KCNT2: variants seen among roughly 807,000 people sequenced by gnomAD.
KCNT2 encodes potassium sodium-activated channel subfamily T member 2.
KCNT2 carries 67 observed loss-of-function variants against 153.8 expected under a neutral mutation model. That is an observed-to-expected ratio of 0.44 (90% CI 0.36 to 0.53). KCNT2 has a LOEUF of 0.53. Ranked by LOEUF, KCNT2 falls within the 20% of genes least tolerant of loss-of-function variation. The pLI, the probability that KCNT2 is intolerant of heterozygous loss-of-function variation, is 0.00. For synonymous variants in KCNT2, 500 were observed against 458.8 expected, an observed-to-expected ratio of 1.09 and a Z score of -1.15; for missense variants, 975 against 1,354.8, an observed-to-expected ratio of 0.72 and a Z score of 4.40.
chr1:196,547,909 G>C (rs759879067), intron 1 of KCNT2, among the ~76,000 whole-genome samples: 1 of 151,722 alleles, frequency 6.6e-6, no homozygotes, highest in Non-Finnish European at 1.5e-5. Context: ...AACTATTTCA[G>C]ATATAAATCA....
At chr1:196,462,355 T>C (rs896142045) in intron 8 of KCNT2, among the ~76,000 whole-genome samples, 1 of 151,678 alleles carries the variant, frequency 6.6e-6, no homozygotes, top group African/African-American at 2.4e-5. Context: ...GATGCTACCA[T>C]TATCTTTAAC....
chr1:196,319,523 C>T lies in KCNT2; in HGVS notation c.2309G>A (p.Trp770Ter). 6.2e-7 allele frequency: 1 copy of T among 1,610,054 alleles called. No homozygotes were observed. Among genetic ancestry groups the T allele is most frequent in the Non-Finnish European group, 8.5e-7 (1 of 1,177,398 alleles). ...CACCATGTAGTAAACCATTGGAAACCAACAGATTGCATCCAGAAAATGCAT... is the reference window on the plus strand; with the variant it reads ...CACCATGTAGTAAACCATTGGAAACTAACAGATTGCATCCAGAAAATGCAT... ...PDMHFLDAIC[W>*]FPMVYYMVGS... Residue 770 changes from tryptophan (W) to a stop codon, truncating the protein, a stop_gained, in exon 20 of 28, where the codon TGG becomes TAG. Coordinates refer to ENST00000294725, the MANE Select transcript of KCNT2 (RefSeq NM_198503.5). LOFTEE classifies it high-confidence loss of function.
intron 1 of KCNT2, among the ~76,000 whole-genome samples, chr1:196,528,565 T>C (rs1374568977): frequency 6.6e-6 from 1 of 152,194 alleles, no homozygotes; most frequent in Non-Finnish European, 1.5e-5. Flanking sequence ...AAATCTTTAC[T>C]CATGGGTTCG....
Position 196,381,770 on chromosome 1 carries a change from A to AC in KCNT2, c.1295-8523dup, listed in dbSNP as rs201442627. On this transcript the variant is annotated intron_variant, in intron 13 of 27. Coordinates refer to ENST00000294725, the MANE Select transcript of KCNT2 (RefSeq NM_198503.5). ...TTACACTGAACTGATGACTGAGAAA[A>AC]CACAACCACCAAGCTCCCCGAACAC... is the stretch of plus-strand genomic sequence containing the variant. 4.3e-3 allele frequency among the ~76,000 whole-genome samples: 648 copies of AC among 152,196 alleles called. 3 individuals carry two copies. Among genetic ancestry groups the AC allele is most frequent in the African/African-American group, 0.014 (592 of 41,490 alleles).
intron 16 of KCNT2, among the ~76,000 whole-genome samples, chr1:196,338,769 G>A (rs1665283527): frequency 6.6e-6 from 1 of 151,722 alleles, no homozygotes; most frequent in South Asian, 2.1e-4. Context: ...GAAGGATGGA[G>A]GCACAGACCA....
At chr1:196,421,363 G>A (rs1225908205) in intron 12 of KCNT2, among the ~76,000 whole-genome samples, 1 of 151,970 alleles carries the variant, frequency 6.6e-6, no homozygotes, top group Non-Finnish European at 1.5e-5. Flanking sequence ...GCTACACAAA[G>A]ATAGTACACA....
intron 1 of KCNT2, among the ~76,000 whole-genome samples, chr1:196,532,694 G>T (rs1655100811): frequency 6.6e-6 from 1 of 151,968 alleles, no homozygotes; most frequent in African/African-American, 2.4e-5. Context: ...ATTCTCTGTT[G>T]CTGAGCCAAA....
At chr1:196,505,497 T>C (rs1278290865) in intron 1 of KCNT2, among the ~76,000 whole-genome samples, 1 of 149,684 alleles carries the variant, frequency 6.7e-6, no homozygotes, top group African/African-American at 2.4e-5. Context: ...CCTTGTAGTA[T>C]AGTTTGAAGT....
rs185268305 is a variant in KCNT2, at chr1:196,320,462, T to C, written c.2277-907A>G. 1.2e-3 allele frequency among the ~76,000 whole-genome samples: 178 copies of C among 151,954 alleles called. 1 individual carries two copies. The highest frequency in any genetic ancestry group is 4.1e-3 in the African/African-American group (172 of 41,520). On this transcript the variant is annotated intron_variant, in intron 19 of 27. Transcript: ENST00000294725. Reference sequence around the variant, plus strand: ...ATCTGTAAAAACAAACAATATGTTATATTTAGGAGGCAGAATTGAGGAACA... The same window carrying C: ...ATCTGTAAAAACAAACAATATGTTACATTTAGGAGGCAGAATTGAGGAACA...
At chr1:196,543,760 T>G (rs756069106) in intron 1 of KCNT2, among the ~76,000 whole-genome samples, 3 of 152,102 alleles carry the variant, frequency 2.0e-5, no homozygotes, top group Non-Finnish European at 4.4e-5. Context: ...GCTGTGAGGA[T>G]ATAGAAAACC....
At chr1:196,410,549 C>T (rs977358023) in intron 12 of KCNT2, among the ~76,000 whole-genome samples, 1 of 150,918 alleles carries the variant, frequency 6.6e-6, no homozygotes, top group Non-Finnish European at 1.5e-5. Context: ...CACATGTACC[C>T]TAAAACTTAA....
rs766418457 is a variant in KCNT2 at position 196,258,384 on chromosome 1, A to T, written c.3021T>A (p.His1007Gln). ...RNSTSSDQSD[H>Q]PLLRRKSMQW... ...GCATGCTTTTTCTCCGCAGCAAGGG[A>T]TGGTCCGACTGATCACTGGATGTTG... is the stretch of plus-strand genomic sequence containing the variant. Residue 1007 changes from histidine to glutamine, a missense_variant, in exon 26 of 28, where the codon CAT (histidine) becomes CAA (glutamine). Physicochemically the swap from His to Gln is conservative, Grantham distance 24. Around this residue, in one of 6 missense-constraint regions of KCNT2, gnomAD observed 241 missense variants for 271.1 expected, o/e 0.89. Coordinates refer to ENST00000294725, the MANE Select transcript of KCNT2 (RefSeq NM_198503.5). The T allele has an allele frequency of 1.9e-6, 3 of 1,613,920 alleles. No homozygotes were observed. In the South Asian group the frequency reaches 3.3e-5, roughly 18 times the overall value.
intron 25 of KCNT2, among the ~76,000 whole-genome samples, chr1:196,272,524 AGATGGAGAG>A (rs2147835071): frequency 6.6e-6 from 1 of 151,982 alleles, no homozygotes; most frequent in African/African-American, 2.4e-5. Flanking sequence ...GTAGATAACA[AGATGGAGAG>A]GATCTTCCAG....
intron 1 of KCNT2, among the ~76,000 whole-genome samples, chr1:196,529,577 G>GT (rs1654678396): frequency 6.6e-6 from 1 of 152,116 alleles, no homozygotes; most frequent in African/African-American, 2.4e-5. Flanking sequence ...GGAGGCTTGT[G>GT]TTTTTATCAT....
At chr1:196,372,993 C>G in intron 14 of KCNT2, 147 bp downstream of exon 14, 1 of 512,368 alleles carries the variant, frequency 2.0e-6, no homozygotes, top group Non-Finnish European at 3.5e-6. Context: ...CTTTATTTAT[C>G]TACCAGATAA....
At chr1:196,345,568 T>C (rs992866275) in intron 14 of KCNT2, among the ~76,000 whole-genome samples, 1 of 152,158 alleles carries the variant, frequency 6.6e-6, no homozygotes, top group African/African-American at 2.4e-5. Flanking sequence ...TTGGCAATCA[T>C]TGGAGATTTT....
At chr1:196,562,272 T>A (rs1433301771) in intron 1 of KCNT2, among the ~76,000 whole-genome samples, 1 of 152,074 alleles carries the variant, frequency 6.6e-6, no homozygotes, top group African/African-American at 2.4e-5. Flanking sequence ...TATACTAGTG[T>A]CAGGCTGGAA....
chr1:196,593,083 C>A (rs1663581187), intron 1 of KCNT2, among the ~76,000 whole-genome samples: 1 of 150,480 alleles, frequency 6.6e-6, no homozygotes, highest in African/African-American at 2.4e-5. Context: ...CCCTCCCACC[C>A]TTTCCTGCCG....
At chr1:196,449,801 G>C (rs1180959081) in intron 8 of KCNT2, among the ~76,000 whole-genome samples, 1 of 150,790 alleles carries the variant, frequency 6.6e-6, no homozygotes, top group Non-Finnish European at 1.5e-5. Context: ...TAATAGAAAA[G>C]GCACTAATAA....
Sources: allele counts gnomAD v4.1 joint callset (sites outside exome capture counted in the v4.1 genomes callset), GRCh38; gene constraint gnomAD v4.1.1; regional missense constraint gnomAD v4.1.1; transcripts MANE v1.5; gene names NCBI Gene and HGNC (gene_info 2026-07-23, HGNC 2026-07-21).